STK3: variants seen among roughly 807,000 people sequenced by gnomAD.
The protein encoded by STK3 is serine/threonine-protein kinase 3.
In STK3, 41 loss-of-function variants were observed where a neutral mutation model predicts 58.0. The ratio of observed to expected loss-of-function variants is 0.71; its 90% CI spans 0.55 to 0.92. STK3 has a LOEUF of 0.92. STK3 is among the 40% of genes least tolerant of loss of function. STK3 has a pLI of 0.00. For synonymous variants in STK3, 170 were observed against 191.0 expected, an observed-to-expected ratio of 0.89 and a Z score of 0.91; for missense variants, 479 against 602.7, an observed-to-expected ratio of 0.79 and a Z score of 2.15.
chr8:98,777,409 T>A (rs901371593), intron 1 of STK3, among the ~76,000 whole-genome samples: 1 of 151,634 alleles, frequency 6.6e-6, no homozygotes, highest in African/African-American at 2.4e-5. Flanking sequence ...ATGCCTGTGG[T>A]CCCAGCTACT....
chr8:98,500,492 C>T (rs549498125), intron 10 of STK3, among the ~76,000 whole-genome samples: 1 of 152,282 alleles, frequency 6.6e-6, no homozygotes, highest in East Asian at 1.9e-4. Flanking sequence ...AGGTATTTCT[C>T]CTAATGCTAT....
intron 6 of STK3, among the ~76,000 whole-genome samples, chr8:98,641,580 A>G (rs551774679): frequency 1.3e-5 from 2 of 152,312 alleles, no homozygotes; most frequent in South Asian, 4.1e-4. Flanking sequence ...CATGTTGCCA[A>G]TTTACCAACC....
chr8:98,707,261 T>A lies in STK3; in HGVS notation c.402A>T (p.Leu134=). The A allele has an allele frequency of 1.9e-6, 3 of 1,591,136 alleles. No homozygotes were observed. In the South Asian group the frequency reaches 3.5e-5, roughly 18 times the overall value. ...TTTTTCTCATAAAGTGCAAATATTC[T>A]AGTCCTTTCAATGTAGATTTAAGAA... ...ATILKSTLKG[L]EYLHFMRKIH... Residue 134 remains leucine, a synonymous_variant, in exon 5 of 11, where the codon CTA becomes CTT. Transcript: ENST00000419617.
chr8:98,694,420 T>C (rs1824679678), intron 6 of STK3, among the ~76,000 whole-genome samples: 2 of 152,146 alleles, frequency 1.3e-5, no homozygotes, highest in African/African-American at 2.4e-5. Flanking sequence ...TACATATGTA[T>C]ACATGTGCCA....
chr8:98,345,164 C>T, the STK3 span, among the ~76,000 whole-genome samples: 12 of 151,978 alleles, frequency 7.9e-5, no homozygotes, highest in Non-Finnish European at 1.2e-4. Context: ...TTGCAATCTA[C>T]TGAGCCTGAA....
At chr8:98,456,891 C>T (rs1343359188) in intron 10 of STK3, among the ~76,000 whole-genome samples, 1 of 152,168 alleles carries the variant, frequency 6.6e-6, no homozygotes, top group Non-Finnish European at 1.5e-5. Flanking sequence ...CATCCCTGGC[C>T]CTATCGTGAC....
chr8:98,586,278 C>T (rs1403216119), intron 7 of STK3, among the ~76,000 whole-genome samples: 1 of 152,014 alleles, frequency 6.6e-6, no homozygotes, highest in African/African-American at 2.4e-5. Context: ...CCCATCAATA[C>T]CTAATTTATT....
chr8:98,505,405 G>C (rs964550547), intron 10 of STK3, among the ~76,000 whole-genome samples: 8 of 152,160 alleles, frequency 5.3e-5, no homozygotes. Flanking sequence ...GCTCATCAAA[G>C]TCATTCTCTG....
intron 8 of STK3, among the ~76,000 whole-genome samples, chr8:98,569,466 T>C (rs1812777374): frequency 2.6e-5 from 4 of 151,730 alleles, no homozygotes; most frequent in South Asian, 2.1e-4. Context: ...CAGAAGACTA[T>C]TGAAGGGATG....
Position 98,542,869 on chromosome 8 carries a change from T to C in STK3, c.1141+5100A>G, listed in dbSNP as rs539611072. ...ACTCAGACAGAATTAAGCAACACAA[T>C]TACTAAATGATTTGGCTTCACATCC... On this transcript the variant is annotated intron_variant, in intron 9 of 10. Transcript: ENST00000419617. Among the ~76,000 whole-genome samples the C allele has an allele frequency of 9.2e-5, 14 of 152,264 alleles. No individual in the cohort carries two copies. The South Asian group carries it at 2.7e-3, about 29-fold the overall frequency.
chr8:98,696,955 T>C (rs1825003199), intron 6 of STK3, among the ~76,000 whole-genome samples: 1 of 152,216 alleles, frequency 6.6e-6, no homozygotes, highest in Admixed American at 6.5e-5. Flanking sequence ...CTTGTACCTC[T>C]GGTAGAATTC....
intron 2 of STK3, among the ~76,000 whole-genome samples, chr8:98,767,663 G>A (rs1217160851): frequency 6.6e-6 from 1 of 152,116 alleles, no homozygotes; most frequent in Non-Finnish European, 1.5e-5. Context: ...GCAGCATTAA[G>A]AAGATATAAA....
chr8:98,838,673 A>G (rs925776667), intron 3 of STK3, among the ~76,000 whole-genome samples: 1 of 152,212 alleles, frequency 6.6e-6, no homozygotes, highest in Admixed American at 6.5e-5. Flanking sequence ...AATTTTTACT[A>G]AAAATCTCAC....
intron 4 of STK3, among the ~76,000 whole-genome samples, chr8:98,748,493 T>C (rs1013430592): frequency 2.0e-5 from 3 of 152,232 alleles, no homozygotes; most frequent in Admixed American, 6.5e-5. Flanking sequence ...TGATTCTGGT[T>C]AACTACAAAT....
chr8:98,448,184 A>G (rs1053256883), intron 1 of STK3, among the ~76,000 whole-genome samples: 6 of 152,066 alleles, frequency 3.9e-5, no homozygotes, highest in African/African-American at 1.2e-4. Context: ...TCAGGCTGTA[A>G]TATCACATAT....
intron 1 of STK3, among the ~76,000 whole-genome samples, chr8:98,935,683 C>T (rs1444460901): frequency 1.3e-5 from 2 of 152,102 alleles, no homozygotes; most frequent in Non-Finnish European, 2.9e-5. Context: ...ACTGTCAAAG[C>T]AGATGAGTAA....
chr8:98,506,321 A>G (rs370389264), intron 10 of STK3, among the ~76,000 whole-genome samples: 1 of 152,302 alleles, frequency 6.6e-6, no homozygotes, highest in African/African-American at 2.4e-5. Context: ...TCCCTTGGCT[A>G]GGAAAGGGAA....
At chr8:98,359,344 T>C in the STK3 span, among the ~76,000 whole-genome samples, 11 of 55,720 alleles carry the variant, frequency 2.0e-4, no homozygotes, top group South Asian at 8.7e-3. Flanking sequence ...CCATCTCAAC[T>C]AAAAAAAAAA....
In STK3 at chr8:98,706,489, T is replaced by C; in HGVS notation, c.662A>G (p.Tyr221Cys). ...TACCCTCATTGGATGTATATCAGCATAAGGAGGTTTTCCTTCAGCCATTTC... is the reference window on the plus strand; with the variant it reads ...TACCCTCATTGGATGTATATCAGCACAAGGAGGTTTTCCTTCAGCCATTTC... ...SIEMAEGKPP[Y>C]ADIHPMRAIF... Residue 221 changes from tyrosine (Y) to cysteine (C), a missense_variant, in exon 6 of 11, where the codon TAT (tyrosine) becomes TGT (cysteine). Physicochemically the swap from Tyr to Cys is radical, Grantham distance 194. Around this residue, in one of 3 missense-constraint regions of STK3, gnomAD observed 309 missense variants for 355.7 expected, o/e 0.87. Coordinates refer to ENST00000419617, the MANE Select transcript of STK3 (RefSeq NM_006281.4). 6.2e-7 allele frequency: 1 copy of C among 1,613,508 alleles called. No homozygotes were observed. Among genetic ancestry groups the C allele is most frequent in the Non-Finnish European group, 8.5e-7 (1 of 1,179,746 alleles).
Sources: allele counts gnomAD v4.1 joint callset (sites outside exome capture counted in the v4.1 genomes callset), GRCh38; gene constraint gnomAD v4.1.1; regional missense constraint gnomAD v4.1.1; transcripts MANE v1.5; gene names NCBI Gene and HGNC (gene_info 2026-07-23, HGNC 2026-07-21).